USP4: variants seen among roughly 807,000 people sequenced by gnomAD.
USP4 encodes the protein ubiquitin specific peptidase 4, also known as ubiquitin carboxyl-terminal hydrolase 4.
USP4 carries 72 observed loss-of-function variants against 118.2 expected under a neutral mutation model. That is an observed-to-expected ratio of 0.61 (90% CI 0.50 to 0.74). The LOEUF (loss-of-function observed/expected upper bound fraction) is 0.74. Among genes scored for constraint, USP4 ranks in the 30% least tolerant of loss-of-function variants. USP4 has a pLI of 0.00. For synonymous variants in USP4, 415 were observed against 440.4 expected, an observed-to-expected ratio of 0.94 and a Z score of 0.72; for missense variants, 1,037 against 1,185.7, an observed-to-expected ratio of 0.87 and a Z score of 1.84.
At chr3:49,323,022 C>A (rs1017815840) in intron 6 of USP4, among the ~76,000 whole-genome samples, 1 of 151,060 alleles carries the variant, frequency 6.6e-6, no homozygotes, top group Non-Finnish European at 1.5e-5. Context: ...GGCTAGAGTG[C>A]AATGGTGCAA....
At chr3:49,335,698 G>T in intron 1 of USP4, 102 bp from the exon 2 acceptor site, 1 of 1,346,180 alleles carries the variant, frequency 7.4e-7, no homozygotes. Flanking sequence ...TGGGGCATAT[G>T]CAATACCCAC....
At chr3:49,332,938 G>A (rs950151467) in intron 2 of USP4, among the ~76,000 whole-genome samples, 4 of 151,740 alleles carry the variant, frequency 2.6e-5, no homozygotes, top group African/African-American at 9.7e-5. Context: ...AGGCTGAGAT[G>A]GGAGGATCAC....
chr3:49,325,029 C>A lies in USP4; in HGVS notation c.498G>T (p.Glu166Asp). The A allele has an allele frequency of 6.2e-7, 1 of 1,613,232 alleles. No homozygotes were observed. The highest frequency in any genetic ancestry group is 8.5e-7 in the Non-Finnish European group (1 of 1,179,748). ...FSKADTIATI[E>D]KEMRKLFNIP... ...TGTTGAATAGCTTCCGCATCTCTTTCTCGATGGTTGCTAGGAACAGGCAGA... is the reference window on the plus strand; with the variant it reads ...TGTTGAATAGCTTCCGCATCTCTTTATCGATGGTTGCTAGGAACAGGCAGA... Residue 166 changes from glutamate (E) to aspartate (D), a missense_variant, in exon 5 of 22, where the codon GAG becomes GAT. Around this residue, in one of 3 missense-constraint regions of USP4, gnomAD observed 487 missense variants for 534.1 expected, o/e 0.91. Coordinates refer to ENST00000265560, the MANE Select transcript of USP4 (RefSeq NM_003363.4).
chr3:49,328,299 AGT>A (rs2047578634), intron 2 of USP4, among the ~76,000 whole-genome samples: 1 of 151,986 alleles, frequency 6.6e-6, no homozygotes, highest in Non-Finnish European at 1.5e-5. Context: ...CAGAGGTTGC[AGT>A]AAGCCAAGAT....
intron 6 of USP4, among the ~76,000 whole-genome samples, chr3:49,319,099 G>C (rs952805982): frequency 6.7e-6 from 1 of 149,064 alleles, no homozygotes; most frequent in Non-Finnish European, 1.5e-5. Context: ...GAGGGATTGC[G>C]CCACTGCACT....
rs761006307 is a variant in USP4 at position 49,298,617 on chromosome 3, G to A, written c.1531C>T (p.Leu511=). The A allele has an allele frequency of 3.0e-5, 48 of 1,614,028 alleles. No homozygotes were observed. The East Asian group carries it at 1.0e-3, about 34-fold the overall frequency. Residue 511 remains leucine (L), a synonymous_variant, in exon 12 of 22, where the codon CTG becomes TTG. Coordinates refer to ENST00000265560, the MANE Select transcript of USP4 (RefSeq NM_003363.4). ...CACAGGTCGGACACAGCCCCCATCA[G>A]CGGCACAGTCACACGGTACTGCAAG... is the stretch of plus-strand genomic sequence containing the variant. ...RPTQYRVTVP[L]MGAVSDLCEA... is the part of the protein sequence containing the mutation.
chr3:49,294,636 G>C, intron 13 of USP4, 38 bp from the exon 14 acceptor site: 1 of 1,589,724 alleles, frequency 6.3e-7, no homozygotes, highest in Non-Finnish European at 8.6e-7. Flanking sequence ...TTAGCAGTAG[G>C]TCCTTGTGAA....
At chr3:49,316,833 C>T (rs1221597599) in intron 6 of USP4, 6 of 550,730 alleles carry the variant, frequency 1.1e-5, no homozygotes, top group African/African-American at 5.7e-5. Context: ...GTGTGGGTGC[C>T]GCAGAGACAG....
chr3:49,305,515 C>A (rs1189604455), intron 9 of USP4, among the ~76,000 whole-genome samples, 200 bp downstream of exon 9: 1 of 151,652 alleles, frequency 6.6e-6, no homozygotes, highest in African/African-American at 2.4e-5. Flanking sequence ...GCTTAAAGAT[C>A]CATAACCTAA....
chr3:49,332,196 G>A (rs1199851066), intron 2 of USP4, among the ~76,000 whole-genome samples: 1 of 152,086 alleles, frequency 6.6e-6, no homozygotes, highest in African/African-American at 2.4e-5. Flanking sequence ...AGAATCACTT[G>A]AAACTGGGAG....
chr3:49,327,789 T>G lies in USP4; in HGVS notation c.257A>C (p.His86Pro), dbSNP rs747615502. 1 of 1,613,908 alleles carries G rather than the reference T, an allele frequency of 6.2e-7. No homozygotes were observed. The highest frequency in any genetic ancestry group is 8.5e-7 in the Non-Finnish European group (1 of 1,179,850). ...TACATAGTCCAATTCATCAATTAAGTGTTCTTTCAAGGTCTGACTCTCAGG... is the reference window on the plus strand; with the variant it reads ...TACATAGTCCAATTCATCAATTAAGGGTTCTTTCAAGGTCTGACTCTCAGG... ...SDPESQTLKE[H>P]LIDELDYVLV... is the part of the protein sequence containing the mutation. The change falls in exon 3 of 22, where the codon CAC becomes CCC. Residue 86 changes from histidine (H) to proline (P), a missense_variant. His to Pro is a moderately conservative substitution (Grantham distance 77). This residue lies in a region of USP4 where 487 missense variants were observed against 534.1 expected (regional missense o/e 0.91). Transcript: ENST00000265560.
intron 6 of USP4, among the ~76,000 whole-genome samples, chr3:49,313,715 T>G (rs1449552335): frequency 6.6e-6 from 1 of 152,240 alleles, no homozygotes; most frequent in Non-Finnish European, 1.5e-5. Context: ...CATGTTTTAA[T>G]ATTTTTCAGG....
At chr3:49,302,802 A>T (rs1575608308) in intron 9 of USP4, among the ~76,000 whole-genome samples, 1 of 152,152 alleles carries the variant, frequency 6.6e-6, no homozygotes. Context: ...AGGGTGGAGT[A>T]CCCTGAGTAA....
Position 49,277,348 on chromosome 3 carries a change from G to T in USP4, c.*945C>A. On this transcript the variant is annotated 3_prime_UTR_variant, in exon 22 of 22. Transcript: ENST00000265560. ...CACACGCAGCGGCTGGCCCCGCGGT[G>T]GGAGTGGGGACGGGGCTTTCGAATG... 1.2e-6 allele frequency: 1 copy of T among 837,472 alleles called. No individual in the cohort carries two copies. 51.9% of individuals were successfully genotyped at this position (837,472 alleles called of 1,614,324 possible). A position where few individuals can be genotyped will look rare whatever the true frequency, so the allele number is the denominator to read the frequency against.
intron 15 of USP4, 62 bp from the exon 16 acceptor site, chr3:49,286,387 T>C: frequency 6.7e-7 from 1 of 1,482,414 alleles, no homozygotes; most frequent in Admixed American, 1.9e-5. Flanking sequence ...TTAAAAATTT[T>C]ATTTAATACA....
At chr3:49,335,391 C>T (rs543624049) in intron 2 of USP4, 78 bp downstream of exon 2, 10 of 1,588,298 alleles carry the variant, frequency 6.3e-6, no homozygotes, top group Admixed American at 1.7e-5. Flanking sequence ...AAGTTCACAA[C>T]GTCCATGTTA....
intron 9 of USP4, among the ~76,000 whole-genome samples, chr3:49,303,408 T>A (rs1258366521): frequency 1.7e-5 from 2 of 116,362 alleles, no homozygotes; most frequent in Non-Finnish European, 3.2e-5. Context: ...GCCAGTACGC[T>A]CCAGCCTGGG....
chr3:49,314,792 A>C (rs2047419084), intron 6 of USP4, among the ~76,000 whole-genome samples: 1 of 152,166 alleles, frequency 6.6e-6, no homozygotes, highest in Admixed American at 6.6e-5. Flanking sequence ...TGGGAGGCCA[A>C]GGTGGGAGGA....
intron 2 of USP4, 141 bp downstream of exon 2, chr3:49,335,328 T>C (rs1363763637): frequency 6.7e-6 from 8 of 1,187,638 alleles, no homozygotes; most frequent in African/African-American, 4.6e-5. Context: ...TTGCAAAGAC[T>C]TCTGCTATAG....
Sources: allele counts gnomAD v4.1 joint callset (sites outside exome capture counted in the v4.1 genomes callset), GRCh38; gene constraint gnomAD v4.1.1; regional missense constraint gnomAD v4.1.1; transcripts MANE v1.5; gene names NCBI Gene and HGNC (gene_info 2026-07-23, HGNC 2026-07-21).